The following AP2A2 variants were observed in gnomAD, a reference collection of about 807,000 sequenced individuals.
The protein encoded by AP2A2 is AP-2 complex subunit alpha-2.
AP2A2 carries 32 observed loss-of-function variants against 104.2 expected under a neutral mutation model. That is an observed-to-expected ratio of 0.31 (90% CI 0.23 to 0.41). AP2A2 has a LOEUF of 0.41. AP2A2 is among the 10% of genes least tolerant of loss of function. The pLI is 1.00. For synonymous variants in AP2A2, 539 were observed against 533.3 expected (o/e 1.01, Z -0.15); for missense variants, 912 against 1,261.0 (o/e 0.72, Z 4.19).
At chr11:979,868 G>A (rs939176937) in intron 5 of AP2A2, among the ~76,000 whole-genome samples, 3 of 152,208 alleles carry the variant, frequency 2.0e-5, no homozygotes, top group African/African-American at 7.2e-5. Context: ...GCCCACGCAA[G>A]TAGACACTTC....
intron 2 of AP2A2, among the ~76,000 whole-genome samples, 185 bp from the exon 3 acceptor site, chr11:969,984 G>A (rs1464658591): frequency 6.6e-6 from 1 of 152,124 alleles, no homozygotes; most frequent in Non-Finnish European, 1.5e-5. Flanking sequence ...ACTCTCATGA[G>A]TACCATGAGT....
intron 10 of AP2A2, among the ~76,000 whole-genome samples, chr11:989,066 C>T (rs184651701): frequency 2.0e-5 from 3 of 152,062 alleles, no homozygotes; most frequent in Admixed American, 1.3e-4. Flanking sequence ...TGGTGGCTCA[C>T]GCCTGTACAC....
chr11:956,329 AT>A (rs35485643), intron 1 of AP2A2, among the ~76,000 whole-genome samples: 1 of 151,922 alleles, frequency 6.6e-6, no homozygotes, highest in Non-Finnish European at 1.5e-5. Context: ...CGCCTGGCTA[AT>A]TTTTGTATTT....
At chr11:1,000,008 G>A (rs894202479) in intron 14 of AP2A2, among the ~76,000 whole-genome samples, 15 of 151,612 alleles carry the variant, frequency 9.9e-5, no homozygotes, top group East Asian at 2.0e-4. Context: ...GGGTTTCACC[G>A]TGTTAGCCAG....
At chr11:1,008,559 T>C (rs1856290924) in intron 18 of AP2A2, 2 of 196,618 alleles carry the variant, frequency 1.0e-5, no homozygotes, top group South Asian at 2.6e-4. Flanking sequence ...ACTTTGCTTA[T>C]TTTTTAAAAG....
In AP2A2 at chr11:968,934, A is replaced by G. The variant is rs1247170302; in HGVS notation, c.137-1235A>G. Among the ~76,000 whole-genome samples the G allele has an allele frequency of 1.2e-4, 18 of 152,086 alleles. No individual in the cohort carries two copies. Among genetic ancestry groups the G allele is most frequent in the Non-Finnish European group, 2.4e-4 (16 of 68,006 alleles). On this transcript the variant is annotated intron_variant, in intron 2 of 21. Coordinates refer to ENST00000448903, the MANE Select transcript of AP2A2 (RefSeq NM_012305.4). This position sits in a 1 kb window ranked among gnomAD's most constrained non-coding sequence, Gnocchi z 4.2. ...CAGCTGACTGGCCGACTGGTGATGCACCGTTCCCCAGGAAATGTGGCCGGT... is the reference window on the plus strand; with the variant it reads ...CAGCTGACTGGCCGACTGGTGATGCGCCGTTCCCCAGGAAATGTGGCCGGT...
At chr11:954,738 T>C (rs905088067) in intron 1 of AP2A2, among the ~76,000 whole-genome samples, 2 of 151,736 alleles carry the variant, frequency 1.3e-5, no homozygotes, top group African/African-American at 4.8e-5. Context: ...TGTGTGTGTG[T>C]ATTTGTGTGT....
At chr11:959,007 A>G (rs963053034) in intron 1 of AP2A2, among the ~76,000 whole-genome samples, 3 of 152,236 alleles carry the variant, frequency 2.0e-5, no homozygotes, top group Non-Finnish European at 4.4e-5. Flanking sequence ...TATAGTAGTA[A>G]AACTGTGTGC....
chr11:989,559 G>C (rs1024018078), intron 10 of AP2A2, among the ~76,000 whole-genome samples: 20 of 152,164 alleles, frequency 1.3e-4, no homozygotes, highest in Non-Finnish European at 2.2e-4. Context: ...TTGATCTCTG[G>C]GAAGGACGGG....
At chr11:978,984 A>T (rs1855147237) in intron 5 of AP2A2, among the ~76,000 whole-genome samples, 1 of 152,050 alleles carries the variant, frequency 6.6e-6, no homozygotes, top group African/African-American at 2.4e-5. Flanking sequence ...CTGATGGAGC[A>T]GACAGGTTGG....
At chr11:956,542 T>C (rs927450526) in intron 1 of AP2A2, among the ~76,000 whole-genome samples, 2 of 152,208 alleles carry the variant, frequency 1.3e-5, no homozygotes, top group African/African-American at 2.4e-5. Context: ...ATAATTGTAT[T>C]TTGACAGTGC....
chr11:998,321 T>C (rs1855922436), intron 14 of AP2A2, among the ~76,000 whole-genome samples: 1 of 102,104 alleles, frequency 9.8e-6, no homozygotes, highest in South Asian at 3.2e-4. Flanking sequence ...ATTCTGACTC[T>C]CACCCGCCCC....
rs568578751 is a variant in AP2A2 at position 968,784 on chromosome 11, G to T, written c.137-1385G>T. Reference sequence around the variant, plus strand: ...GGCACAGCAAGCAGATAAGTGGGTCGGGGCCGGGGGAGGGAGGAACCAGGT... The same window carrying T: ...GGCACAGCAAGCAGATAAGTGGGTCTGGGCCGGGGGAGGGAGGAACCAGGT... On this transcript the variant is annotated intron_variant, in intron 2 of 21. Coordinates refer to ENST00000448903, the MANE Select transcript of AP2A2 (RefSeq NM_012305.4). The surrounding 1 kb of genome is among the most constrained non-coding windows in gnomAD (Gnocchi z 4.2). Among the ~76,000 whole-genome samples the T allele has an allele frequency of 6.6e-6, 1 of 151,984 alleles. No homozygotes were observed. The highest frequency in any genetic ancestry group is 1.9e-4 in the East Asian group (1 of 5,162).
At chr11:945,132 C>A (rs1042397474) in intron 1 of AP2A2, among the ~76,000 whole-genome samples, 2 of 151,900 alleles carry the variant, frequency 1.3e-5, no homozygotes, top group Admixed American at 1.3e-4. Flanking sequence ...GTGGGCAGTC[C>A]CGTGTGCCAC....
chr11:925,946 C>A lies in AP2A2; in HGVS notation c.-76C>A. On this transcript the variant is annotated 5_prime_UTR_variant, in exon 1 of 22. Transcript: ENST00000448903. ...GGCTCCTCCGCGGCGGTGACGGCGA[C>A]CGCACTCCCCGCTTCCCGCTCCCCG... The A allele has an allele frequency of 8.6e-6, 10 of 1,164,768 alleles. No individual in the cohort carries two copies. The highest frequency in any genetic ancestry group is 9.0e-6 in the Non-Finnish European group (8 of 887,206). 72.2% of individuals were successfully genotyped at this position (1,164,768 alleles called of 1,614,324 possible). A position where few individuals can be genotyped will look rare whatever the true frequency, so the allele number is the denominator to read the frequency against.
At chr11:949,191 G>A (rs1853952794) in intron 1 of AP2A2, among the ~76,000 whole-genome samples, 1 of 151,708 alleles carries the variant, frequency 6.6e-6, no homozygotes, top group African/African-American at 2.4e-5. Context: ...CAGGAGAATC[G>A]CTTGAAACCG....
At chr11:955,638 G>A (rs7950967) in intron 1 of AP2A2, among the ~76,000 whole-genome samples, 77,258 of 152,054 alleles carry the variant, frequency 0.51, 20,243 homozygotes, top group Middle Eastern at 0.66. Context: ...TCGGGGAGCC[G>A]CCACATAGGC....
intron 4 of AP2A2, among the ~76,000 whole-genome samples, chr11:973,547 C>CG (rs1564802006): frequency 6.6e-6 from 1 of 152,144 alleles, no homozygotes; most frequent in African/African-American, 2.4e-5. Flanking sequence ...ACCACCGAGC[C>CG]GGGGGAGCAG....
Position 1,008,149 on chromosome 11 carries a change from G to A in AP2A2, c.2420+14G>A. On this transcript the variant is annotated intron_variant, in intron 18 of 21. Transcript: ENST00000448903. ...CATTCAGTTCAGGTAAGAGCCGCCTGTGCGCCCCGGGCCAAGGGGTGTGTG... is the reference window on the plus strand; with the variant it reads ...CATTCAGTTCAGGTAAGAGCCGCCTATGCGCCCCGGGCCAAGGGGTGTGTG... The A allele has an allele frequency of 1.3e-6, 2 of 1,589,056 alleles. No homozygotes were observed. Among genetic ancestry groups the A allele is most frequent in the Non-Finnish European group, 1.7e-6 (2 of 1,167,060 alleles).
Sources: allele counts gnomAD v4.1 joint callset (sites outside exome capture counted in the v4.1 genomes callset), GRCh38; gene constraint gnomAD v4.1.1; non-coding constraint Gnocchi (gnomAD v3.1); transcripts MANE v1.5; gene names NCBI Gene and HGNC (gene_info 2026-07-23, HGNC 2026-07-21).